The following MYO1E variants were observed in gnomAD, a reference collection of about 807,000 sequenced individuals.
The protein encoded by MYO1E is unconventional myosin-Ie.
Under a neutral mutation model 151.1 loss-of-function variants are expected in MYO1E, and 68 were observed. The ratio of observed to expected loss-of-function variants is 0.45; its 90% CI spans 0.37 to 0.55. The LOEUF is 0.55. MYO1E is among the 20% of genes least tolerant of loss of function. The probability of loss-of-function intolerance (pLI) is 0.00; values close to 1 mark genes in which losing one functional copy is unlikely to be tolerated. For synonymous variants in MYO1E, 601 were observed against 501.7 expected, an observed-to-expected ratio of 1.20 and a Z score of -2.64; for missense variants, 1,363 against 1,389.3, an observed-to-expected ratio of 0.98 and a Z score of 0.30.
intron 14 of MYO1E, chr15:59,207,582 G>A (rs1374287770): frequency 7.4e-6 from 12 of 1,614,094 alleles, no homozygotes; most frequent in Non-Finnish European, 9.3e-6. Context: ...GCTGTAATCT[G>A]GATACTGCTC....
intron 1 of MYO1E, among the ~76,000 whole-genome samples, chr15:59,366,206 T>C (rs955203336): frequency 6.6e-6 from 1 of 152,178 alleles, no homozygotes; most frequent in Non-Finnish European, 1.5e-5. Context: ...CTCAAACTCC[T>C]GACCTCAGGT....
At chr15:59,256,027 A>G (rs1383436520) in intron 4 of MYO1E, among the ~76,000 whole-genome samples, 1 of 152,248 alleles carries the variant, frequency 6.6e-6, no homozygotes, top group East Asian at 1.9e-4. Flanking sequence ...AAAGGAATTC[A>G]TCTGACTAAA....
At chr15:59,357,714 T>C (rs111806390) in intron 1 of MYO1E, among the ~76,000 whole-genome samples, 4,026 of 152,196 alleles carry the variant, frequency 0.026, 129 homozygotes, top group African/African-American at 0.068. Context: ...CCTCCCAAAG[T>C]GCTGGGATTA....
At position 59,136,627 on chromosome 15, in the gene MYO1E, ATC is replaced by A. The variant is rs1402526246; in HGVS notation, c.*751_*752del. ...AAGATTTTTATATATACAGTATATG[ATC>A]TGTTTTTATAAATGTACAGCTTGAA... On this transcript the variant is annotated 3_prime_UTR_variant, in exon 28 of 28. Transcript: ENST00000288235. 1.1e-5 allele frequency: 5 copies of A among 453,426 alleles called. No individual in the cohort carries two copies. The highest frequency in any genetic ancestry group is 8.0e-5 in the African/African-American group (4 of 49,904). The allele number at this position is 453,426 out of a possible 1,614,324, so 28.1% of individuals were successfully genotyped here.
chr15:59,161,067 A>G lies in MYO1E; in HGVS notation c.2785+6T>C, dbSNP rs752949448. 14 of 1,612,750 alleles carry G rather than the reference A, an allele frequency of 8.7e-6. No homozygotes were observed. Among genetic ancestry groups the G allele is most frequent in the Non-Finnish European group, 1.2e-5 (14 of 1,180,006 alleles). ...GTTCTGCCTGCAGGGCCCGTGGAGCACTTACGGGAGTTCTTGGGCAGTCCA... is the reference window on the plus strand; with the variant it reads ...GTTCTGCCTGCAGGGCCCGTGGAGCGCTTACGGGAGTTCTTGGGCAGTCCA... On this transcript the variant is annotated splice_donor_region_variant and intron_variant, in intron 24 of 27. Coordinates refer to ENST00000288235, the MANE Select transcript of MYO1E (RefSeq NM_004998.4).
chr15:59,307,890 G>A (rs1264170646), intron 1 of MYO1E, among the ~76,000 whole-genome samples: 3 of 150,836 alleles, frequency 2.0e-5, no homozygotes, highest in Non-Finnish European at 3.0e-5. Context: ...GATTACAGGC[G>A]TGAGCCACCA....
intron 1 of MYO1E, among the ~76,000 whole-genome samples, chr15:59,293,172 A>G (rs535077974): frequency 6.6e-6 from 1 of 152,182 alleles, no homozygotes; most frequent in Non-Finnish European, 1.5e-5. Flanking sequence ...AATCACCCCC[A>G]TCTACCAGAT....
chr15:59,329,790 G>A (rs1252691099), intron 1 of MYO1E, among the ~76,000 whole-genome samples: 5 of 152,196 alleles, frequency 3.3e-5, no homozygotes, highest in East Asian at 1.9e-4. Flanking sequence ...TGATTACAGC[G>A]TGAGATCAAA....
At chr15:59,348,468 A>C (rs2080806388) in intron 1 of MYO1E, among the ~76,000 whole-genome samples, 1 of 152,186 alleles carries the variant, frequency 6.6e-6, no homozygotes, top group Non-Finnish European at 1.5e-5. Flanking sequence ...GCTTTTAGGA[A>C]CCATCCAGGA....
At chr15:59,358,251 A>AGAGGAGGAT (rs1249734742) in intron 1 of MYO1E, among the ~76,000 whole-genome samples, 1 of 151,886 alleles carries the variant, frequency 6.6e-6, no homozygotes, top group African/African-American at 2.4e-5. Flanking sequence ...AGAAAGAGGA[A>AGAGGAGGAT]GAGGAGGATG....
chr15:59,261,287 C>T, intron 3 of MYO1E, 133 bp downstream of exon 3: 1 of 453,946 alleles, frequency 2.2e-6, no homozygotes, highest in Non-Finnish European at 4.0e-6. Context: ...AAAAATCAAA[C>T]AATGTCACTC....
intron 1 of MYO1E, among the ~76,000 whole-genome samples, chr15:59,318,141 C>T (rs1254193614): frequency 3.9e-5 from 6 of 152,116 alleles, no homozygotes; most frequent in African/African-American, 9.7e-5. Flanking sequence ...ACATGTAGGA[C>T]GAACCAGAGG....
intron 1 of MYO1E, among the ~76,000 whole-genome samples, chr15:59,322,932 T>C (rs1165418097): frequency 6.7e-6 from 1 of 150,066 alleles, no homozygotes; most frequent in African/African-American, 2.5e-5. Flanking sequence ...GAGGACGAGG[T>C]GGGCGGATCA....
chr15:59,149,070 T>G (rs1330621341), intron 26 of MYO1E, among the ~76,000 whole-genome samples: 2 of 147,944 alleles, frequency 1.4e-5, no homozygotes, highest in East Asian at 3.9e-4. Context: ...TTTTTTTTTT[T>G]TTTTGAGACA....
chr15:59,194,215 G>A (rs752175182), intron 17 of MYO1E, among the ~76,000 whole-genome samples: 2 of 152,078 alleles, frequency 1.3e-5, no homozygotes, highest in African/African-American at 2.4e-5. Context: ...ATCTATGGAT[G>A]AGATTATTCA....
intron 16 of MYO1E, among the ~76,000 whole-genome samples, chr15:59,198,232 G>A (rs554774445): frequency 6.6e-6 from 1 of 152,256 alleles, no homozygotes; most frequent in East Asian, 1.9e-4. Context: ...CCTGATTCCA[G>A]CCAAGAAGGG....
At position 59,133,074 on chromosome 15, in the gene MYO1E, G is replaced by A. The variant is rs1377995155; in HGVS notation, c.*4306C>T. ...ACATTACTAAATATCTGTTGAATTGGAGAAAATGATTAAAAGCACAGGCCT... is the reference window on the plus strand; with the variant it reads ...ACATTACTAAATATCTGTTGAATTGAAGAAAATGATTAAAAGCACAGGCCT... On this transcript the variant is annotated 3_prime_UTR_variant, in exon 28 of 28. Coordinates refer to ENST00000288235, the MANE Select transcript of MYO1E (RefSeq NM_004998.4). 2 of 152,222 alleles carry A rather than the reference G, an allele frequency of 1.3e-5. No individual in the cohort carries two copies. The highest frequency in any genetic ancestry group is 4.8e-5 in the African/African-American group (2 of 41,454). 9.4% of individuals were successfully genotyped at this position (152,222 alleles called of 1,614,324 possible). A position where few individuals can be genotyped will look rare whatever the true frequency, so the allele number is the denominator to read the frequency against.
intron 18 of MYO1E, among the ~76,000 whole-genome samples, chr15:59,183,348 G>GTT (rs34330073): frequency 4.8e-5 from 7 of 146,398 alleles, no homozygotes; most frequent in Admixed American, 1.4e-4. Flanking sequence ...GTTTGATCAG[G>GTT]TTTTTTTTTT....
At chr15:59,284,589 A>G (rs1364877567) in intron 1 of MYO1E, among the ~76,000 whole-genome samples, 1 of 151,578 alleles carries the variant, frequency 6.6e-6, no homozygotes, top group African/African-American at 2.4e-5. Flanking sequence ...AGCCAGGGCT[A>G]CAGGTGTGCA....
Sources: allele counts gnomAD v4.1 joint callset (sites outside exome capture counted in the v4.1 genomes callset), GRCh38; gene constraint gnomAD v4.1.1; transcripts MANE v1.5; gene names NCBI Gene and HGNC (gene_info 2026-07-23, HGNC 2026-07-21).